Variants in GALNT17 observed in about 807,000 individuals in gnomAD.
GALNT17 encodes the protein UDP-GalNAc:polypeptide N-acetylgalactosaminyltransferase-like 3.
GALNT17 carries 29 observed loss-of-function variants against 63.7 expected under a neutral mutation model. The ratio of observed to expected loss-of-function variants is 0.46; its 90% CI spans 0.34 to 0.62. The LOEUF (loss-of-function observed/expected upper bound fraction) is 0.62. Among genes scored for constraint, GALNT17 ranks in the 20% least tolerant of loss-of-function variants. GALNT17 has a pLI of 0.01. For missense variants in GALNT17, 603 were observed against 799.6 expected (o/e 0.75, Z 2.97); for synonymous variants, 305 against 318.3 (o/e 0.96, Z 0.45).
At chr7:71,693,307 C>CAT (rs1397260396) in intron 9 of GALNT17, among the ~76,000 whole-genome samples, 10 of 126,646 alleles carry the variant, frequency 7.9e-5, no homozygotes, top group East Asian at 4.8e-4. Flanking sequence ...CACACACACA[C>CAT]ACATATATAT....
At chr7:71,549,656 G>T (rs771541399) in intron 5 of GALNT17, among the ~76,000 whole-genome samples, 1 of 152,078 alleles carries the variant, frequency 6.6e-6, no homozygotes, top group African/African-American at 2.4e-5. Context: ...TACCGAAAGA[G>T]TAATTGTTTT....
intron 1 of GALNT17, among the ~76,000 whole-genome samples, chr7:71,188,970 G>A (rs1214076075): frequency 5.9e-5 from 9 of 152,114 alleles, no homozygotes; most frequent in Non-Finnish European, 8.8e-5. Flanking sequence ...TACAGTTCTT[G>A]AAGAAGAAAA....
chr7:71,365,183 T>C (rs910625822), intron 2 of GALNT17, among the ~76,000 whole-genome samples: 1 of 152,180 alleles, frequency 6.6e-6, no homozygotes, highest in Non-Finnish European at 1.5e-5. Flanking sequence ...TCTGCCTGCC[T>C]CAGCCTCCCA....
chr7:71,259,646 G>GTTTT (rs1261238713), intron 1 of GALNT17, among the ~76,000 whole-genome samples: 7 of 136,466 alleles, frequency 5.1e-5, no homozygotes, highest in East Asian at 2.2e-4. Context: ...TTGTTTTTTT[G>GTTTT]TTTTTTTTTT....
At chr7:71,702,210 G>A (rs970346952) in intron 9 of GALNT17, among the ~76,000 whole-genome samples, 1 of 151,900 alleles carries the variant, frequency 6.6e-6, no homozygotes, top group Admixed American at 6.6e-5. Flanking sequence ...GGGTTCAGTA[G>A]AAGCCCAAAC....
chr7:71,613,383 C>G lies in GALNT17; in HGVS notation c.1080+41981C>G, dbSNP rs572923048. Among the ~76,000 whole-genome samples, 17 of 152,288 alleles carry G rather than the reference C, an allele frequency of 1.1e-4. No homozygotes were observed. In the South Asian group the frequency reaches 3.5e-3, roughly 32 times the overall value. On this transcript the variant is annotated intron_variant, in intron 6 of 10. Coordinates refer to ENST00000333538, the MANE Select transcript of GALNT17 (RefSeq NM_022479.3). ...TTATTAGAAGACAAACAGGAATTGA[C>G]CGTTTGTCAGACAGCAAAGAAACAG...
intron 6 of GALNT17, among the ~76,000 whole-genome samples, chr7:71,644,466 T>C (rs1790646241): frequency 7.1e-6 from 1 of 141,000 alleles, no homozygotes; most frequent in African/African-American, 2.7e-5. Flanking sequence ...GAGGCCAAGG[T>C]TGCAGTGAGC....
At chr7:71,672,126 A>AT (rs1373514848) in intron 8 of GALNT17, among the ~76,000 whole-genome samples, 1 of 152,044 alleles carries the variant, frequency 6.6e-6, no homozygotes, top group Non-Finnish European at 1.5e-5. Flanking sequence ...AAAAGCATGA[A>AT]TTTTTTAAAA....
intron 1 of GALNT17, among the ~76,000 whole-genome samples, chr7:71,146,462 G>A (rs939173021): frequency 2.6e-5 from 4 of 152,192 alleles, no homozygotes; most frequent in African/African-American, 7.2e-5. Context: ...TTGGCCTGAA[G>A]GATGAAGGGG....
chr7:71,377,703 G>A (rs1792769961), intron 2 of GALNT17, among the ~76,000 whole-genome samples: 1 of 152,208 alleles, frequency 6.6e-6, no homozygotes, highest in South Asian at 2.1e-4. Context: ...GGAGGGACCT[G>A]TAGTCTCCAC....
intron 5 of GALNT17, among the ~76,000 whole-genome samples, chr7:71,556,816 T>G (rs995674089): frequency 6.6e-6 from 1 of 152,192 alleles, no homozygotes; most frequent in Non-Finnish European, 1.5e-5. Context: ...TCCACCCACC[T>G]TGGCCTCCCA....
intron 1 of GALNT17, among the ~76,000 whole-genome samples, chr7:71,227,373 G>GA (rs11291968): frequency 5.3e-4 from 76 of 142,518 alleles, no homozygotes; most frequent in Admixed American, 8.5e-4. Context: ...CTAAAAAATG[G>GA]AAAAAAAAAA....
chr7:71,266,430 A>C (rs147320750), intron 1 of GALNT17, among the ~76,000 whole-genome samples: 5 of 152,028 alleles, frequency 3.3e-5, no homozygotes, highest in Non-Finnish European at 7.4e-5. Flanking sequence ...TGCTTTCTCT[A>C]TCTCTCTCCT....
intron 1 of GALNT17, among the ~76,000 whole-genome samples, chr7:71,168,724 T>TA (rs1562881193): frequency 6.6e-6 from 1 of 151,956 alleles, no homozygotes; most frequent in Non-Finnish European, 1.5e-5. Context: ...TGTGTGTGTG[T>TA]GTGTGTGTGT....
intron 5 of GALNT17, among the ~76,000 whole-genome samples, chr7:71,529,564 G>A (rs186741361): frequency 7.9e-5 from 12 of 152,322 alleles, no homozygotes; most frequent in Middle Eastern, 3.4e-3. Context: ...CCACGTAGCC[G>A]TCCAGGTAAA....
chr7:71,299,506 G>A (rs1791154438), intron 1 of GALNT17, among the ~76,000 whole-genome samples: 4 of 152,136 alleles, frequency 2.6e-5, no homozygotes, highest in Admixed American at 2.6e-4. Flanking sequence ...CAGGCTCCAC[G>A]CATTCCACAG....
rs369124996 is a variant in GALNT17 at position 71,488,889 on chromosome 7, CTT to C, written c.962+67807_962+67808del. 2.4e-4 allele frequency among the ~76,000 whole-genome samples: 13 copies of C among 54,734 alleles called. No individual in the cohort carries two copies. In the South Asian group the frequency reaches 3.2e-3, roughly 13 times the overall value. 35.9% of individuals were successfully genotyped at this position (54,734 alleles called of 152,430 possible). On this transcript the variant is annotated intron_variant, in intron 5 of 10. Coordinates refer to ENST00000333538, the MANE Select transcript of GALNT17 (RefSeq NM_022479.3). Reference sequence around the variant, plus strand: ...GAGCCACCGCGCCCAGCCAGGTTTCCTTTTTTTTTTTTTTTTTTTTTTTTGAG... The same window carrying C: ...GAGCCACCGCGCCCAGCCAGGTTTCCTTTTTTTTTTTTTTTTTTTTTTGAG...
chr7:71,704,079 T>A (rs1307696125), intron 9 of GALNT17, among the ~76,000 whole-genome samples: 2 of 152,070 alleles, frequency 1.3e-5, no homozygotes, highest in African/African-American at 4.8e-5. Context: ...AGGTCTCCAG[T>A]GGGTGTGGTC....
chr7:71,334,559 G>C (rs930344185), intron 1 of GALNT17, among the ~76,000 whole-genome samples: 2 of 152,174 alleles, frequency 1.3e-5, no homozygotes, highest in Admixed American at 1.3e-4. Context: ...AAGTTTTCTA[G>C]TTAAGTAATA....
Sources: gnomAD v4.1 joint callset for allele counts (sites outside exome capture counted in the v4.1 genomes callset) on GRCh38, gnomAD v4.1.1 for gene constraint, MANE v1.5 for transcripts, NCBI Gene and HGNC (gene_info 2026-07-23, HGNC 2026-07-21) for gene names.